Variants in PCDHA8 observed in about 807,000 individuals in gnomAD.
PCDHA8 encodes the protein protocadherin alpha-8.
PCDHA8 carries 53 observed loss-of-function variants against 61.8 expected under a neutral mutation model. That is an observed-to-expected ratio of 0.86 (90% CI 0.69 to 1.08). PCDHA8 has a LOEUF of 1.08. Among genes scored for constraint, PCDHA8 ranks in the 50% least tolerant of loss-of-function variants. The pLI is 0.00. For missense variants in PCDHA8, 1,293 were observed against 1,245.0 expected (o/e 1.04, Z -0.58); for synonymous variants, 618 against 556.6 (o/e 1.11, Z -1.55).
At chr5:140,913,970 T>C (rs2076541614) in intron 1 of PCDHA8, among the ~76,000 whole-genome samples, 1 of 152,144 alleles carries the variant, frequency 6.6e-6, no homozygotes. Context: ...TAAAAAAATA[T>C]TTTAGGACTT....
chr5:140,997,984 A>G (rs1004761154), intron 3 of PCDHA8, among the ~76,000 whole-genome samples: 4 of 152,188 alleles, frequency 2.6e-5, no homozygotes, highest in Admixed American at 2.6e-4. Context: ...TGCACTTGTT[A>G]CATACTTCCC....
intron 1 of PCDHA8, chr5:140,967,461 G>A (rs782466677): frequency 6.8e-6 from 11 of 1,613,572 alleles, no homozygotes; most frequent in Non-Finnish European, 8.5e-6. Context: ...GCCGTGGATG[G>A]GGGCATCCCA....
In PCDHA8 at chr5:140,850,262, A is replaced by G. The variant is rs2150476444; in HGVS notation, c.2394+6547A>G. 32 of 1,594,296 alleles carry G rather than the reference A, an allele frequency of 2.0e-5. 1 individual carries two copies. The highest frequency in any genetic ancestry group is 2.7e-5 in the African/African-American group (2 of 74,230). On this transcript the variant is annotated intron_variant, in intron 1 of 3. Transcript: ENST00000531613. ...TGCTGCGGTCGGTGGGCGCCGGCGT[A>G]GTGGTGGGGAAGGTGCGCGCAGTGG...
chr5:140,913,821 A>G (rs2153527973), intron 1 of PCDHA8, among the ~76,000 whole-genome samples: 1 of 152,122 alleles, frequency 6.6e-6, no homozygotes, highest in East Asian at 1.9e-4. Context: ...TTCCTTTTAA[A>G]TTTCTTTATT....
At chr5:140,895,660 A>G (rs2065094898) in intron 1 of PCDHA8, among the ~76,000 whole-genome samples, 6 of 152,160 alleles carry the variant, frequency 3.9e-5, no homozygotes, top group Admixed American at 3.9e-4. Context: ...CTTATAAGTG[A>G]GAACATGTAG....
At chr5:141,009,120 T>C (rs1383940737) in intron 3 of PCDHA8, among the ~76,000 whole-genome samples, 1 of 152,236 alleles carries the variant, frequency 6.6e-6, no homozygotes, top group African/African-American at 2.4e-5. Flanking sequence ...ACTAGATTCT[T>C]GGTATCCTGG....
intron 1 of PCDHA8, chr5:140,866,167 CAT>C (rs1328596564): frequency 7.9e-5 from 12 of 152,072 alleles, no homozygotes; most frequent in African/African-American, 2.9e-4. Flanking sequence ...AATCGTTTAA[CAT>C]GTAAGAAAAG....
At chr5:140,850,434 C>T (rs2150484212) in intron 1 of PCDHA8, 3 of 1,597,894 alleles carry the variant, frequency 1.9e-6, no homozygotes, top group Non-Finnish European at 1.7e-6. Flanking sequence ...GCGCCAGCGC[C>T]TACTGGTGCT....
At chr5:140,941,194 T>TTTCTTC (rs2092780236) in intron 1 of PCDHA8, among the ~76,000 whole-genome samples, 5 of 112,438 alleles carry the variant, frequency 4.4e-5, no homozygotes, top group African/African-American at 1.8e-4. Flanking sequence ...TCTTTTTTTT[T>TTTCTTC]CTTTCTTCCT....
chr5:140,941,199 C>CTT (rs879983584), intron 1 of PCDHA8, among the ~76,000 whole-genome samples: 22 of 115,972 alleles, frequency 1.9e-4, no homozygotes, highest in African/African-American at 6.6e-4. Context: ...TTTTTTCTTT[C>CTT]TTCCTTTCTT....
intron 1 of PCDHA8, among the ~76,000 whole-genome samples, chr5:140,973,778 T>C (rs910410874): frequency 3.9e-5 from 6 of 152,256 alleles, no homozygotes; most frequent in African/African-American, 1.4e-4. Context: ...ATATTATAGG[T>C]TGCCTATTGG....
intron 1 of PCDHA8, among the ~76,000 whole-genome samples, chr5:140,888,214 G>GTGTGTGTGCA (rs1387597541): frequency 6.6e-6 from 1 of 152,130 alleles, no homozygotes; most frequent in Admixed American, 6.5e-5. Context: ...TGGATTTTGT[G>GTGTGTGTGCA]TGTGTGTGCA....
chr5:140,944,133 G>C (rs1051812384), intron 1 of PCDHA8, among the ~76,000 whole-genome samples: 2 of 152,134 alleles, frequency 1.3e-5, no homozygotes, highest in Non-Finnish European at 2.9e-5. Context: ...AGAAAAGGTT[G>C]AAGATTAGAA....
At chr5:140,917,337 G>T (rs1563019639) in intron 1 of PCDHA8, among the ~76,000 whole-genome samples, 1 of 142,560 alleles carries the variant, frequency 7.0e-6, no homozygotes, top group Non-Finnish European at 1.6e-5. Context: ...GGGAGGGGGG[G>T]GATGGTGTAG....
intron 1 of PCDHA8, chr5:140,870,282 C>T (rs886699693): frequency 6.2e-7 from 1 of 1,614,228 alleles, no homozygotes; most frequent in Non-Finnish European, 8.5e-7. Context: ...CCCACGTTCC[C>T]TTCAAGCTGG....
chr5:140,926,906 G>A (rs781809570), intron 1 of PCDHA8: 1 of 1,559,584 alleles, frequency 6.4e-7, no homozygotes, highest in Admixed American at 1.8e-5. Context: ...GTGGGCTGTG[G>A]GGTGGCAGTT....
At chr5:140,895,206 AT>A (rs2064913908) in intron 1 of PCDHA8, among the ~76,000 whole-genome samples, 1 of 151,808 alleles carries the variant, frequency 6.6e-6, no homozygotes, top group Non-Finnish European at 1.5e-5. Flanking sequence ...ATTTGCTTTT[AT>A]TTCTAATATT....
chr5:140,952,923 C>T (rs1554220692), intron 1 of PCDHA8, among the ~76,000 whole-genome samples: 1 of 151,990 alleles, frequency 6.6e-6, no homozygotes, highest in East Asian at 1.9e-4. Context: ...ATGGCATGAG[C>T]AGGAGCAGGA....
chr5:140,946,611 AATATAT>A (rs1554217734), intron 1 of PCDHA8, among the ~76,000 whole-genome samples: 5 of 86,812 alleles, frequency 5.8e-5, no homozygotes, highest in African/African-American at 2.5e-4. Context: ...GAAAATGTGA[AATATAT>A]ATATATATAT....
Sources: gnomAD v4.1 joint callset for allele counts (sites outside exome capture counted in the v4.1 genomes callset) on GRCh38, gnomAD v4.1.1 for gene constraint, MANE v1.5 for transcripts, NCBI Gene and HGNC (gene_info 2026-07-23, HGNC 2026-07-21) for gene names.